Variants in BMPR1A observed in about 807,000 individuals in gnomAD.
BMPR1A encodes bone morphogenetic protein receptor type-1A.
A neutral mutation model predicts 66.0 loss-of-function variants in BMPR1A; 7 were observed. The observed-to-expected ratio is 0.11, with a 90% CI of 0.06 to 0.20. The LOEUF (loss-of-function observed/expected upper bound fraction) is 0.20, where lower values mean the gene tolerates loss of function less well. Ranked by LOEUF, BMPR1A falls within the 10% of genes least tolerant of loss-of-function variation. The pLI, the probability that BMPR1A is intolerant of heterozygous loss-of-function variation, is 1.00. For synonymous variants in BMPR1A, 200 were observed against 229.7 expected (o/e 0.87, Z 1.17); for missense variants, 408 against 669.1 (o/e 0.61, Z 4.31).
At chr10:86,803,004 CAA>C (rs59957238) in intron 1 of BMPR1A, among the ~76,000 whole-genome samples, 3 of 75,940 alleles carry the variant, frequency 4.0e-5, no homozygotes, top group Non-Finnish European at 5.2e-5. Flanking sequence ...GACCCGGTCT[CAA>C]AAAAAAAAAA....
At chr10:86,857,182 C>T (rs977863820) in intron 2 of BMPR1A, among the ~76,000 whole-genome samples, 2 of 152,136 alleles carry the variant, frequency 1.3e-5, no homozygotes, top group Non-Finnish European at 2.9e-5. Flanking sequence ...CTAGCTCAAA[C>T]CCCATCCTTC....
chr10:86,870,183 A>G (rs999752192), intron 2 of BMPR1A, among the ~76,000 whole-genome samples: 1 of 152,264 alleles, frequency 6.6e-6, no homozygotes, highest in African/African-American at 2.4e-5. Flanking sequence ...CCGTTCTTTT[A>G]GCATAACCGA....
intron 1 of BMPR1A, among the ~76,000 whole-genome samples, chr10:86,827,221 C>CT (rs200833264): frequency 4.7e-5 from 7 of 148,528 alleles, no homozygotes; most frequent in South Asian, 4.3e-4. Context: ...CTTTAACATA[C>CT]TTTTTTTTTT....
At chr10:86,783,274 A>C (rs1209039744) in intron 1 of BMPR1A, among the ~76,000 whole-genome samples, 1 of 152,218 alleles carries the variant, frequency 6.6e-6, no homozygotes, top group Non-Finnish European at 1.5e-5. Context: ...TTTTGAAATC[A>C]GAAAGTGTGA....
At chr10:86,921,798 A>AGGTG in intron 11 of BMPR1A, 103 bp downstream of exon 11, 1 of 1,412,674 alleles carries the variant, frequency 7.1e-7, no homozygotes, top group East Asian at 2.3e-5. Flanking sequence ...GTGGGCACAT[A>AGGTG]GTAGGTGTAT....
At chr10:86,838,568 CT>C (rs879405131) in intron 1 of BMPR1A, among the ~76,000 whole-genome samples, 61 of 124,968 alleles carry the variant, frequency 4.9e-4, no homozygotes, top group Middle Eastern at 3.9e-3. Flanking sequence ...TATTCCTGTT[CT>C]TTTTTTTTTT....
At chr10:86,905,953 C>CT (rs1353477926) in intron 7 of BMPR1A, among the ~76,000 whole-genome samples, 2 of 152,116 alleles carry the variant, frequency 1.3e-5, no homozygotes, top group African/African-American at 4.8e-5. Context: ...ATTTTTATCA[C>CT]TTTCAGCACT....
At chr10:86,836,623 C>T (rs1185914879) in intron 1 of BMPR1A, among the ~76,000 whole-genome samples, 2 of 152,070 alleles carry the variant, frequency 1.3e-5, no homozygotes, top group Non-Finnish European at 2.9e-5. Flanking sequence ...CATGACGAGA[C>T]CCTGTCTCTA....
At chr10:86,818,314 G>A (rs182305913) in intron 1 of BMPR1A, among the ~76,000 whole-genome samples, 2 of 152,116 alleles carry the variant, frequency 1.3e-5, no homozygotes, top group East Asian at 1.9e-4. Context: ...ACCGTGTCCC[G>A]CCAGCTAATA....
At chr10:86,868,531 A>G (rs1273174087) in intron 2 of BMPR1A, among the ~76,000 whole-genome samples, 1 of 152,254 alleles carries the variant, frequency 6.6e-6, no homozygotes, top group East Asian at 1.9e-4. Context: ...GGAAGTCTGC[A>G]GTGAGTCTAT....
chr10:86,863,018 C>T (rs951930827), intron 2 of BMPR1A, among the ~76,000 whole-genome samples: 2 of 149,954 alleles, frequency 1.3e-5, no homozygotes, highest in Non-Finnish European at 2.9e-5. Flanking sequence ...CTCGCTTTGT[C>T]GCCCAGGCTG....
At position 86,838,231 on chromosome 10, in the gene BMPR1A, AAAT is replaced by A. The variant is rs533373995; in HGVS notation, c.-267-618_-267-616del. Among the ~76,000 whole-genome samples the A allele has an allele frequency of 3.9e-5, 6 of 152,176 alleles. No homozygotes were observed. The East Asian group carries it at 9.6e-4, about 24-fold the overall frequency. On this transcript the variant is annotated intron_variant, in intron 1 of 12. Transcript: ENST00000372037. Reference sequence around the variant, plus strand: ...GCGACAGAGCAAGACCTTGTCTCAAAAATAATAATAATAATAATTTAAGCTTTA... The same window carrying A: ...GCGACAGAGCAAGACCTTGTCTCAAAAATAATAATAATAATTTAAGCTTTA...
At chr10:86,893,650 TG>T in intron 5 of BMPR1A, among the ~76,000 whole-genome samples, 1 of 152,072 alleles carries the variant, frequency 6.6e-6, no homozygotes, top group South Asian at 2.1e-4. Flanking sequence ...TAGCTGGACG[TG>T]GTGGCGGGTG....
At chr10:86,795,184 T>G (rs1179327708) in intron 1 of BMPR1A, among the ~76,000 whole-genome samples, 2 of 152,064 alleles carry the variant, frequency 1.3e-5, no homozygotes, top group African/African-American at 4.8e-5. Flanking sequence ...ATTTTTTTTT[T>G]TCTGTAGACT....
At chr10:86,856,747 G>A (rs1468393864) in intron 2 of BMPR1A, among the ~76,000 whole-genome samples, 2 of 152,176 alleles carry the variant, frequency 1.3e-5, no homozygotes, top group Non-Finnish European at 1.5e-5. Flanking sequence ...AGTTCCCAAC[G>A]AGACTGCCCT....
intron 1 of BMPR1A, among the ~76,000 whole-genome samples, chr10:86,758,651 G>T (rs145318606): frequency 8.3e-4 from 127 of 152,230 alleles, no homozygotes; most frequent in African/African-American, 3.0e-3. Flanking sequence ...GCGAACTAGC[G>T]CAACATTGAA....
chr10:86,915,323 G>A (rs563105830), intron 8 of BMPR1A, among the ~76,000 whole-genome samples: 6 of 152,110 alleles, frequency 3.9e-5, no homozygotes, highest in South Asian at 4.2e-4. Context: ...GAGCCACCAC[G>A]CCTGGCCAAA....
chr10:86,824,418 AC>A (rs1377282698), intron 1 of BMPR1A, among the ~76,000 whole-genome samples: 2 of 152,150 alleles, frequency 1.3e-5, no homozygotes, highest in Non-Finnish European at 2.9e-5. Context: ...ACAGTGCTGT[AC>A]GGTAATTAAC....
chr10:86,831,249 T>C (rs1044012674), intron 1 of BMPR1A, among the ~76,000 whole-genome samples: 2 of 152,236 alleles, frequency 1.3e-5, no homozygotes, highest in African/African-American at 4.8e-5. Flanking sequence ...TGCGAGTACT[T>C]GTGTGTACGG....
Sources: allele counts gnomAD v4.1 joint callset (sites outside exome capture counted in the v4.1 genomes callset), GRCh38; gene constraint gnomAD v4.1.1; transcripts MANE v1.5; gene names NCBI Gene and HGNC (gene_info 2026-07-23, HGNC 2026-07-21).